The following SPOCK1 variants were observed in gnomAD, a reference collection of about 807,000 sequenced individuals.
SPOCK1 encodes the protein testican-1.
SPOCK1 carries 23 observed loss-of-function variants against 55.3 expected under a neutral mutation model. The observed-to-expected ratio is 0.42, with a 90% CI of 0.30 to 0.59. The LOEUF is 0.59. SPOCK1 is among the 20% of genes least tolerant of loss of function. The pLI is 0.22. For synonymous variants in SPOCK1, 226 were observed against 221.0 expected (o/e 1.02, Z -0.20); for missense variants, 499 against 552.5 (o/e 0.90, Z 0.97).
At chr5:137,319,967 A>C (rs867879274) in intron 2 of SPOCK1, among the ~76,000 whole-genome samples, 8 of 151,720 alleles carry the variant, frequency 5.3e-5, no homozygotes, top group Non-Finnish European at 8.8e-5. Context: ...AAAAAAAAAA[A>C]AAAAAACAAC....
chr5:137,184,407 G>C (rs1215302921), intron 3 of SPOCK1, among the ~76,000 whole-genome samples: 2 of 152,154 alleles, frequency 1.3e-5, no homozygotes, highest in African/African-American at 4.8e-5. Context: ...GACCCAGATT[G>C]TTGGGTCTGT....
intron 2 of SPOCK1, among the ~76,000 whole-genome samples, chr5:137,439,276 A>T (rs1752935123): frequency 6.6e-6 from 1 of 152,136 alleles, no homozygotes; most frequent in South Asian, 2.1e-4. Flanking sequence ...CTTCTGCCCT[A>T]ACTAGTTCTA....
intron 2 of SPOCK1, chr5:137,365,012 G>A (rs1350179218): frequency 6.6e-6 from 1 of 152,272 alleles, no homozygotes; most frequent in Non-Finnish European, 1.5e-5. Context: ...TCACAGGGAG[G>A]ATTCATGTCC....
chr5:137,458,528 T>C (rs1271815755), intron 2 of SPOCK1, among the ~76,000 whole-genome samples: 3 of 152,206 alleles, frequency 2.0e-5, no homozygotes, highest in Admixed American at 1.3e-4. Context: ...TCAGTGAATC[T>C]TGACCTTCAC....
chr5:137,404,335 C>A (rs1752048072), intron 2 of SPOCK1, among the ~76,000 whole-genome samples: 1 of 152,044 alleles, frequency 6.6e-6, no homozygotes, highest in African/African-American at 2.4e-5. Context: ...ATCAGGCAAT[C>A]CAGATGTATG....
At chr5:137,062,507 G>A (rs1003008990) in intron 6 of SPOCK1, among the ~76,000 whole-genome samples, 1 of 146,002 alleles carries the variant, frequency 6.8e-6, no homozygotes, top group Non-Finnish European at 1.5e-5. Context: ...ATTTCCTCTT[G>A]AGATTTTCAA....
chr5:137,112,671 G>C (rs1753498380), intron 4 of SPOCK1, 110 bp from the exon 5 acceptor site: 1 of 1,380,872 alleles, frequency 7.2e-7, no homozygotes, highest in East Asian at 2.5e-5. Flanking sequence ...ATCCAACCAG[G>C]CCAAGGGATC....
intron 5 of SPOCK1, among the ~76,000 whole-genome samples, chr5:137,080,368 C>T (rs1410235003): frequency 6.6e-6 from 1 of 152,218 alleles, no homozygotes; most frequent in African/African-American, 2.4e-5. Flanking sequence ...GCTCAGGTCA[C>T]ATGTTTTCAC....
At chr5:137,168,245 A>G (rs765693025) in intron 3 of SPOCK1, among the ~76,000 whole-genome samples, 11 of 152,098 alleles carry the variant, frequency 7.2e-5, no homozygotes, top group Non-Finnish European at 1.2e-4. Flanking sequence ...AATACCACAA[A>G]CTATGAAACT....
intron 6 of SPOCK1, among the ~76,000 whole-genome samples, chr5:137,043,183 T>C (rs781586506): frequency 3.9e-5 from 6 of 152,160 alleles, no homozygotes. Flanking sequence ...GAGTGCCAAA[T>C]GACCAAAGCT....
At chr5:137,459,683 C>T (rs1186449158) in intron 2 of SPOCK1, among the ~76,000 whole-genome samples, 4 of 152,192 alleles carry the variant, frequency 2.6e-5, no homozygotes, top group African/African-American at 7.2e-5. Flanking sequence ...AGGCTTTTCT[C>T]GACACCATCA....
intron 3 of SPOCK1, among the ~76,000 whole-genome samples, chr5:137,252,175 C>G (rs1756545367): frequency 6.6e-6 from 1 of 152,220 alleles, no homozygotes. Context: ...ATCCACCCGC[C>G]TCGGCCTCCC....
chr5:137,474,773 T>C (rs562890187), intron 2 of SPOCK1, among the ~76,000 whole-genome samples: 4 of 152,288 alleles, frequency 2.6e-5, no homozygotes, highest in African/African-American at 9.6e-5. Flanking sequence ...TGGTAATCAC[T>C]GAACTGAAAG....
At chr5:137,331,769 C>T (rs1305289647) in intron 2 of SPOCK1, among the ~76,000 whole-genome samples, 2 of 152,110 alleles carry the variant, frequency 1.3e-5, no homozygotes, top group African/African-American at 4.8e-5. Context: ...CTCCCACGAT[C>T]CAATCACCTC....
chr5:137,442,919 C>T (rs1753046459), intron 2 of SPOCK1, among the ~76,000 whole-genome samples: 1 of 152,196 alleles, frequency 6.6e-6, no homozygotes, highest in Non-Finnish European at 1.5e-5. Context: ...CTCAGTGGGG[C>T]CAACAGAGAA....
At chr5:137,132,066 T>C (rs1180940899) in intron 4 of SPOCK1, among the ~76,000 whole-genome samples, 2 of 127,936 alleles carry the variant, frequency 1.6e-5, no homozygotes, top group African/African-American at 3.1e-5. Context: ...TCCCAGCTAC[T>C]CAGGAGGCTG....
At chr5:137,419,455 C>T (rs374931549) in intron 2 of SPOCK1, among the ~76,000 whole-genome samples, 1 of 151,946 alleles carries the variant, frequency 6.6e-6, no homozygotes, top group East Asian at 1.9e-4. Flanking sequence ...CTTCCATTTG[C>T]TTGTATCCTC....
rs772670718 is a variant in SPOCK1 at position 136,978,103 on chromosome 5, A to C, written c.*551T>G. On this transcript the variant is annotated 3_prime_UTR_variant, in exon 11 of 11. Coordinates refer to ENST00000394945, the MANE Select transcript of SPOCK1 (RefSeq NM_004598.4). ...TGAATTAAGGCTGTTGTTTATAGGA[A>C]GCCAGATATAATGATGTGAAAAAAA... 1 of 396,642 alleles carries C rather than the reference A, an allele frequency of 2.5e-6. No individual in the cohort carries two copies. Among genetic ancestry groups the C allele is most frequent in the Non-Finnish European group, 4.4e-6 (1 of 225,058 alleles). The allele number at this position is 396,642 out of a possible 1,614,324, so 24.6% of individuals were successfully genotyped here. A position where few individuals can be genotyped will look rare whatever the true frequency, so the allele number is the denominator to read the frequency against.
intron 4 of SPOCK1, among the ~76,000 whole-genome samples, chr5:137,122,355 T>A (rs141420271): frequency 4.7e-4 from 71 of 152,278 alleles, no homozygotes; most frequent in African/African-American, 1.6e-3. Context: ...AATTGCAAGC[T>A]ATTAGGGAAA....
Sources: gnomAD v4.1 joint callset for allele counts (sites outside exome capture counted in the v4.1 genomes callset) on GRCh38, gnomAD v4.1.1 for gene constraint, MANE v1.5 for transcripts, NCBI Gene and HGNC (gene_info 2026-07-23, HGNC 2026-07-21) for gene names.